The following WFS1 variants were observed in gnomAD, a reference collection of about 807,000 sequenced individuals.
The protein encoded by WFS1 is wolframin.
A neutral mutation model predicts 68.5 loss-of-function variants in WFS1; 90 were observed. The observed-to-expected ratio is 1.31, with a 90% CI of 1.11 to 1.56. WFS1 has a LOEUF of 1.56. WFS1 is among the 40% of genes most tolerant of loss of function. WFS1 has a pLI of 0.00. For missense variants in WFS1, 1,767 were observed against 1,232.6 expected, an observed-to-expected ratio of 1.43 and a Z score of -6.49; for synonymous variants, 860 against 540.7, an observed-to-expected ratio of 1.59 and a Z score of -8.19.
At chr4:6,286,708 G>C (rs542444299) in intron 2 of WFS1, among the ~76,000 whole-genome samples, 2 of 152,200 alleles carry the variant, frequency 1.3e-5, no homozygotes, top group Non-Finnish European at 2.9e-5. Flanking sequence ...TATTATTTAG[G>C]TCATGGGCTG....
chr4:6,301,851 A>G lies in WFS1; in HGVS notation c.2056A>G (p.Thr686Ala). 7.4e-6 allele frequency: 12 copies of G among 1,612,916 alleles called. No individual in the cohort carries two copies. The highest frequency in any genetic ancestry group is 1.6e-4 in the Middle Eastern group (1 of 6,062). Residue 686 changes from threonine (T) to alanine (A), a missense_variant, in exon 8 of 8, where the codon ACC becomes GCC. Coordinates refer to ENST00000226760, the MANE Select transcript of WFS1 (RefSeq NM_006005.3). ...RAWKETNMAR[T>A]QILCSHLEGH... ...CTGGAAGGAGACCAACATGGCGCGC[A>G]CCCAGATCCTCTGCAGCCACCTGGA...
chr4:6,288,674 A>G, intron 3 of WFS1: 1 of 432,946 alleles, frequency 2.3e-6, no homozygotes, highest in Non-Finnish European at 4.3e-6. Context: ...TCTGATTTCC[A>G]TGCATTGATG....
chr4:6,270,763 G>T (rs1729812852), intron 1 of WFS1, among the ~76,000 whole-genome samples: 1 of 152,224 alleles, frequency 6.6e-6, no homozygotes, highest in South Asian at 2.1e-4. Context: ...AGCAGATGAT[G>T]TTATGAATTC....
intron 1 of WFS1, among the ~76,000 whole-genome samples, chr4:6,272,702 G>C (rs544225248): frequency 6.6e-6 from 1 of 152,190 alleles, no homozygotes. Context: ...ATGAAACCGC[G>C]CATAAGCTTT....
chr4:6,284,411 A>G (rs953192454), intron 2 of WFS1, among the ~76,000 whole-genome samples: 3 of 152,352 alleles, frequency 2.0e-5, no homozygotes, highest in African/African-American at 7.2e-5. Flanking sequence ...GATTCTGTAT[A>G]TCGGGGAGAT....
chr4:6,280,763 C>A (rs1222490144), intron 2 of WFS1, among the ~76,000 whole-genome samples: 1 of 152,188 alleles, frequency 6.6e-6, no homozygotes, highest in Non-Finnish European at 1.5e-5. Context: ...CGAGGCCCCA[C>A]CCCTTCCCAC....
At position 6,273,900 on chromosome 4, in the gene WFS1, G is replaced by GT. The variant is rs201652752; in HGVS notation, c.-5-3542dup. Among the ~76,000 whole-genome samples the GT allele has an allele frequency of 5.2e-3, 782 of 151,796 alleles. 12 individuals carry two copies. The highest frequency in any genetic ancestry group is 0.016 in the African/African-American group (670 of 41,390). ...CTAACCAGAGATTTTACTTTAAACA[G>GT]TTTTTTTTTAACTGCAGTGTGACAT... On this transcript the variant is annotated intron_variant, in intron 1 of 7. Transcript: ENST00000226760.
At position 6,300,719 on chromosome 4, in the gene WFS1, C is replaced by T. The variant is rs763063215; in HGVS notation, c.924C>T (p.Ser308=). The T allele has an allele frequency of 5.0e-6, 8 of 1,614,082 alleles. No individual in the cohort carries two copies. Among genetic ancestry groups the T allele is most frequent in the Middle Eastern group, 1.6e-4 (1 of 6,062 alleles). ...EIKEYLIDMA[S]RAGMHWLSTI... Reference sequence around the variant, plus strand: ...AGGAGTACCTGATTGACATGGCCTCCAGGGCAGGCATGCACTGGCTGTCCA... The same window carrying T: ...AGGAGTACCTGATTGACATGGCCTCTAGGGCAGGCATGCACTGGCTGTCCA... Residue 308 remains serine (S), a synonymous_variant, in exon 8 of 8, where the codon TCC becomes TCT. Transcript: ENST00000226760.
chr4:6,295,012 C>T (rs779063177), intron 6 of WFS1, 29 bp from the exon 7 acceptor site: 11 of 1,612,592 alleles, frequency 6.8e-6, no homozygotes, highest in African/African-American at 2.7e-5. Flanking sequence ...CAGTGTGGGG[C>T]GCCCATGCTG....
intron 3 of WFS1, 178 bp from the exon 4 acceptor site, chr4:6,288,809 G>C (rs1363529552): frequency 3.3e-6 from 3 of 912,352 alleles, no homozygotes; most frequent in Non-Finnish European, 5.1e-6. Flanking sequence ...TGAGGAGCGA[G>C]TGGCCGGAGG....
In WFS1 at chr4:6,300,872, C is replaced by T. The variant is rs1730861824; in HGVS notation, c.1077C>T (p.Ile359=). The change falls in exon 8 of 8, where the codon ATC becomes ATT. Residue 359 remains isoleucine, a synonymous_variant. Coordinates refer to ENST00000226760, the MANE Select transcript of WFS1 (RefSeq NM_006005.3). ...IFYLSFISMV[I]CTLKVFQDSK... ...ACCTGTCCTTCATCTCCATGGTGATCTGCACCCTCAAGGTGTTCCAGGACA... is the reference window on the plus strand; with the variant it reads ...ACCTGTCCTTCATCTCCATGGTGATTTGCACCCTCAAGGTGTTCCAGGACA... 6.2e-7 allele frequency: 1 copy of T among 1,614,152 alleles called. No homozygotes were observed. The highest frequency in any genetic ancestry group is 2.2e-5 in the East Asian group (1 of 44,884).
chr4:6,288,173 C>T lies in WFS1; in HGVS notation c.316-814C>T, dbSNP rs567452375. Among the ~76,000 whole-genome samples the T allele has an allele frequency of 8.0e-5, 12 of 149,642 alleles. 1 individual carries two copies. The highest frequency in any genetic ancestry group is 2.7e-4 in the African/African-American group (11 of 40,520). On this transcript the variant is annotated intron_variant, in intron 3 of 7. Transcript: ENST00000226760. ...TGGAGGTTGCAGTGAGCCGAGATCG[C>T]ACCACCACGCTCCCAACTGAGCAAC...
At position 6,300,920 on chromosome 4, in the gene WFS1, C is replaced by T. The variant is rs778100722; in HGVS notation, c.1125C>T (p.Arg375=). Residue 375 remains arginine (R), a synonymous_variant, in exon 8 of 8, where the codon CGC becomes CGT. Coordinates refer to ENST00000226760, the MANE Select transcript of WFS1 (RefSeq NM_006005.3). ...FQDSKAWENF[R]TLTDLLLRFE... The stretch of plus-strand genomic sequence containing the variant: ...ACAGCAAGGCCTGGGAGAACTTCCG[C>T]ACCCTCACCGACCTGCTGCTGCGCT... 4.8e-5 allele frequency: 78 copies of T among 1,614,086 alleles called. No homozygotes were observed. Among genetic ancestry groups the T allele is most frequent in the Non-Finnish European group, 6.5e-5 (77 of 1,180,042 alleles).
rs376545138 is a variant in WFS1 at position 6,301,922 on chromosome 4, G to C, written c.2127G>C (p.Val709=). Residue 709 remains valine, a synonymous_variant, in exon 8 of 8, where the codon GTG becomes GTC. Transcript: ENST00000226760. Reference sequence around the variant, plus strand: ...CCGGCCGCTTCAAGTACGTCCGCGTGACTGACATCGACAACAGCGCCGAGT... The same window carrying C: ...CCGGCCGCTTCAAGTACGTCCGCGTCACTGACATCGACAACAGCGCCGAGT... ...TWTGRFKYVR[V]TDIDNSAESA... The C allele has an allele frequency of 5.6e-6, 9 of 1,612,932 alleles. No homozygotes were observed. The African/African-American group carries it at 8.0e-5, about 14-fold the overall frequency.
intron 7 of WFS1, among the ~76,000 whole-genome samples, chr4:6,297,308 G>GT (rs1730663695): frequency 6.6e-6 from 1 of 152,164 alleles, no homozygotes; most frequent in South Asian, 2.1e-4. Context: ...GCTGAGAGCT[G>GT]TCCCACCTTT....
At position 6,292,015 on chromosome 4, in the gene WFS1, C is replaced by T. The variant is rs569119046; in HGVS notation, c.712+18C>T. On this transcript the variant is annotated intron_variant, in intron 6 of 7. Coordinates refer to ENST00000226760, the MANE Select transcript of WFS1 (RefSeq NM_006005.3). Reference sequence around the variant, plus strand: ...CAGCGAGTGTGAGTGCAGCCCCTGCCCCGTCTCACCCATGCCTCCCAGCCT... The same window carrying T: ...CAGCGAGTGTGAGTGCAGCCCCTGCTCCGTCTCACCCATGCCTCCCAGCCT... 6.3e-7 allele frequency: 1 copy of T among 1,591,996 alleles called. No homozygotes were observed.
chr4:6,277,415 G>T (rs372110015), intron 1 of WFS1, 36 bp from the exon 2 acceptor site: 13 of 1,540,910 alleles, frequency 8.4e-6, no homozygotes, highest in Non-Finnish European at 1.1e-5. Context: ...GGGCTCTGCC[G>T]GTGCTGGATG....
rs77319729 is a variant in WFS1 at position 6,283,194 on chromosome 4, C to G, written c.233-3899C>G. On this transcript the variant is annotated intron_variant, in intron 2 of 7. Coordinates refer to ENST00000226760, the MANE Select transcript of WFS1 (RefSeq NM_006005.3). This position sits in a 1 kb window ranked among gnomAD's most constrained non-coding sequence, Gnocchi z 5.0. The stretch of plus-strand genomic sequence containing the variant: ...CCATGAATCTCTCAAATCCATAGGG[C>G]CCGTGCATGACAAATAATTAAAAAG... Among the ~76,000 whole-genome samples the G allele has an allele frequency of 0.013, 1,930 of 152,230 alleles. 41 individuals carry two copies. Among genetic ancestry groups the G allele is most frequent in the African/African-American group, 0.043 (1,806 of 41,524 alleles).
At chr4:6,286,778 G>T (rs1289093856) in intron 2 of WFS1, among the ~76,000 whole-genome samples, 1 of 152,228 alleles carries the variant, frequency 6.6e-6, no homozygotes, top group East Asian at 1.9e-4. Context: ...AGGCCAAGGG[G>T]TGTGATGGTG....
Sources: allele counts gnomAD v4.1 joint callset (sites outside exome capture counted in the v4.1 genomes callset), GRCh38; gene constraint gnomAD v4.1.1; non-coding constraint Gnocchi (gnomAD v3.1); transcripts MANE v1.5; gene names NCBI Gene and HGNC (gene_info 2026-07-23, HGNC 2026-07-21).